Variants in TK2 observed in about 807,000 individuals in gnomAD.
The protein encoded by TK2 is thymidine kinase 2, also known as thymidine kinase 2, mitochondrial.
A neutral mutation model predicts 41.9 loss-of-function variants in TK2; 35 were observed. That is an observed-to-expected ratio of 0.84 (90% CI 0.64 to 1.11). The LOEUF is 1.11. TK2 is among the 50% of genes least tolerant of loss of function. The pLI, the probability that TK2 is intolerant of heterozygous loss-of-function variation, is 0.00. For missense variants in TK2, 320 were observed against 351.1 expected (o/e 0.91, Z 0.71); for synonymous variants, 128 against 129.1 (o/e 0.99, Z 0.06).
chr16:66,539,220 T>A (rs903422017), intron 3 of TK2, among the ~76,000 whole-genome samples: 1 of 152,034 alleles, frequency 6.6e-6, no homozygotes, highest in African/African-American at 2.4e-5. Context: ...CTCCCCAGGT[T>A]TGATGATTCA....
chr16:66,548,867 T>C (rs1965688935), intron 2 of TK2, 111 bp downstream of exon 2: 3 of 1,012,046 alleles, frequency 3.0e-6, no homozygotes, highest in African/African-American at 1.6e-5. Flanking sequence ...GATCCTCTTG[T>C]ATTTTTGCTT....
Position 66,517,333 on chromosome 16 carries a change from C to A in TK2, c.539-118G>T. On this transcript the variant is annotated intron_variant, in intron 7 of 9. Transcript: ENST00000544898. This position sits in a 1 kb window ranked among gnomAD's most constrained non-coding sequence, Gnocchi z 4.3. ...AGCTCGAGCAGGAAGCAGGGAGGGC[C>A]AGCTCTTGGCTTGACCACTGACCCT... 2.3e-6 allele frequency: 2 copies of A among 876,738 alleles called. No individual in the cohort carries two copies. The highest frequency in any genetic ancestry group is 2.6e-5 in the South Asian group (2 of 75,922). The allele number at this position is 876,738 out of a possible 1,614,324, so 54.3% of individuals were successfully genotyped here.
At chr16:66,532,424 C>T (rs573598365) in intron 4 of TK2, among the ~76,000 whole-genome samples, 3 of 152,004 alleles carry the variant, frequency 2.0e-5, no homozygotes, top group Non-Finnish European at 4.4e-5. Context: ...GCCAACATGA[C>T]GAAATCCTGT....
rs1964384858 is a variant in TK2, at chr16:66,509,428, C to CATAAGGTA, written c.*2539_*2540insTACCTTAT. The stretch of plus-strand genomic sequence containing the variant: ...ATTTCTATCTAGTTTCCAAAAAAAA[C>CATAAGGTA]CAGGTACATAAGGTATTTTTAAATG... On this transcript the variant is annotated 3_prime_UTR_variant, in exon 10 of 10. Transcript: ENST00000544898. 1 of 152,130 alleles carries CATAAGGTA rather than the reference C, an allele frequency of 6.6e-6. No individual in the cohort carries two copies. Among genetic ancestry groups the CATAAGGTA allele is most frequent in the Admixed American group, 6.5e-5 (1 of 15,268 alleles). 9.4% of individuals were successfully genotyped at this position (152,130 alleles called of 1,614,324 possible).
At chr16:66,531,772 C>T (rs1457970784) in intron 4 of TK2, among the ~76,000 whole-genome samples, 1 of 152,202 alleles carries the variant, frequency 6.6e-6, no homozygotes, top group Non-Finnish European at 1.5e-5. Context: ...TCATCTTAAC[C>T]TTGTTCACGG....
chr16:66,549,656 G>A, intron 1 of TK2: 1 of 1,209,290 alleles, frequency 8.3e-7, no homozygotes, highest in East Asian at 3.6e-5. Context: ...ACAGGAAATG[G>A]GTCGGGGGAC....
At chr16:66,545,108 A>G (rs1965567283) in intron 2 of TK2, among the ~76,000 whole-genome samples, 1 of 152,216 alleles carries the variant, frequency 6.6e-6, no homozygotes, top group East Asian at 1.9e-4. Context: ...AAAAAAAAAA[A>G]AAAGAAATAC....
intron 2 of TK2, among the ~76,000 whole-genome samples, chr16:66,546,809 C>T (rs1216353267): frequency 6.6e-6 from 1 of 150,932 alleles, no homozygotes; most frequent in Non-Finnish European, 1.5e-5. Context: ...TGGAGTGCAG[C>T]AATGCAATAA....
In TK2 at chr16:66,513,826, C is replaced by T. The variant is rs2144340131; in HGVS notation, c.619-15G>A. The T allele has an allele frequency of 2.4e-5, 38 of 1,613,536 alleles. 1 individual carries two copies. Among genetic ancestry groups the T allele is most frequent in the Non-Finnish European group, 3.2e-5 (38 of 1,179,682 alleles). ...TCCAGGTATTCCTGCCAGGGAAACA[C>T]AAGCAGTCTGTCGGGAGTGGACAGA... is the stretch of plus-strand genomic sequence containing the variant. On this transcript the variant is annotated splice_polypyrimidine_tract_variant and intron_variant, in intron 8 of 9. Coordinates refer to ENST00000544898, the MANE Select transcript of TK2 (RefSeq NM_004614.5).
chr16:66,540,745 G>C (rs1038597003), intron 3 of TK2, among the ~76,000 whole-genome samples: 1 of 152,220 alleles, frequency 6.6e-6, no homozygotes, highest in Non-Finnish European at 1.5e-5. Flanking sequence ...CCACTGCTCA[G>C]ACATTGCTAT....
At chr16:66,528,168 C>G (rs574037933) in intron 6 of TK2, among the ~76,000 whole-genome samples, 3 of 152,170 alleles carry the variant, frequency 2.0e-5, no homozygotes, top group African/African-American at 7.2e-5. Flanking sequence ...GGAGGAAGGG[C>G]CTCCAGCGTT....
chr16:66,530,513 C>G (rs1273155316), intron 5 of TK2, among the ~76,000 whole-genome samples: 1 of 152,208 alleles, frequency 6.6e-6, no homozygotes, highest in African/African-American at 2.4e-5. Flanking sequence ...CTGACCAAAG[C>G]TGAACCAATC....
intron 1 of TK2, chr16:66,549,607 C>T (rs1965720495): frequency 8.8e-7 from 1 of 1,138,398 alleles, no homozygotes; most frequent in East Asian, 4.8e-5. Context: ...CTTAAGGCAG[C>T]TCCCAGTCCC....
At position 66,517,401 on chromosome 16, in the gene TK2, G is replaced by C; in HGVS notation, c.539-186C>G. 1.5e-6 allele frequency: 1 copy of C among 678,342 alleles called. No homozygotes were observed. The highest frequency in any genetic ancestry group is 2.7e-6 in the Non-Finnish European group (1 of 375,600). The allele number at this position is 678,342 out of a possible 1,614,324, so 42.0% of individuals were successfully genotyped here. A position where few individuals can be genotyped will look rare whatever the true frequency, so the allele number is the denominator to read the frequency against. ...CTCTTTCAGTGTCAGCGGCCCCGTGGGGTCGTTTTGAGGCTGAATGGGATT... is the reference window on the plus strand; with the variant it reads ...CTCTTTCAGTGTCAGCGGCCCCGTGCGGTCGTTTTGAGGCTGAATGGGATT... On this transcript the variant is annotated intron_variant, in intron 7 of 9. Transcript: ENST00000544898. The surrounding 1 kb of genome is among the most constrained non-coding windows in gnomAD (Gnocchi z 4.3).
At position 66,509,147 on chromosome 16, in the gene TK2, T is replaced by C. The variant is rs1291521301; in HGVS notation, c.*2821A>G. 1 of 152,342 alleles carries C rather than the reference T, an allele frequency of 6.6e-6. No individual in the cohort carries two copies. Among genetic ancestry groups the C allele is most frequent in the Non-Finnish European group, 1.5e-5 (1 of 68,144 alleles). The allele number at this position is 152,342 out of a possible 1,614,324, so 9.4% of individuals were successfully genotyped here. A position where few individuals can be genotyped will look rare whatever the true frequency, so the allele number is the denominator to read the frequency against. ...AGAACCTTCCAGCTTATCTTAGTTATGCCTTGGAAAGGGACATTACCAGCA... is the reference window on the plus strand; with the variant it reads ...AGAACCTTCCAGCTTATCTTAGTTACGCCTTGGAAAGGGACATTACCAGCA... On this transcript the variant is annotated 3_prime_UTR_variant, in exon 10 of 10. Transcript: ENST00000544898.
Position 66,542,193 on chromosome 16 carries a change from C to T in TK2, c.157-240G>A, listed in dbSNP as rs187135616. On this transcript the variant is annotated intron_variant, in intron 2 of 9. Coordinates refer to ENST00000544898, the MANE Select transcript of TK2 (RefSeq NM_004614.5). ...TCCCCCCAGACCAGATCCTCCTTTA[C>T]GTCAACTCCTAAACCATACACAGCT... Among the ~76,000 whole-genome samples the T allele has an allele frequency of 5.3e-3, 810 of 152,256 alleles. 24 individuals carry two copies. Among genetic ancestry groups the T allele is most frequent in the Non-Finnish European group, 1.3e-3 (88 of 67,998 alleles).
chr16:66,528,100 G>A (rs151185276), intron 6 of TK2, among the ~76,000 whole-genome samples: 2 of 152,274 alleles, frequency 1.3e-5, no homozygotes, highest in African/African-American at 4.8e-5. Flanking sequence ...TAGACAGCGT[G>A]GTCGGGGAGG....
In TK2 at chr16:66,528,135, GA is replaced by G. The variant is rs544625854; in HGVS notation, c.449+858del. Among the ~76,000 whole-genome samples the G allele has an allele frequency of 4.7e-3, 719 of 152,300 alleles. 9 individuals are homozygous for G. Among genetic ancestry groups the G allele is most frequent in the African/African-American group, 0.017 (688 of 41,568 alleles). ...GGCTGGGAGACAGGGTGGCATTTAGGAAGACAGCTGCAGATGAGAGTGGGAG... is the reference window on the plus strand; with the variant it reads ...GGCTGGGAGACAGGGTGGCATTTAGGAGACAGCTGCAGATGAGAGTGGGAG... On this transcript the variant is annotated intron_variant, in intron 6 of 9. Transcript: ENST00000544898.
chr16:66,517,885 G>A lies in TK2; in HGVS notation c.450-8C>T. The A allele has an allele frequency of 6.2e-7, 1 of 1,613,102 alleles. No individual in the cohort carries two copies. Among genetic ancestry groups the A allele is most frequent in the Non-Finnish European group, 8.5e-7 (1 of 1,179,036 alleles). ...ACTTCTGGCATCTTCCCACTGCAAT[G>A]AGAGTTGTAAGGGCTTATTCACCTA... On this transcript the variant is annotated splice_region_variant and splice_polypyrimidine_tract_variant and intron_variant, in intron 6 of 9. Coordinates refer to ENST00000544898, the MANE Select transcript of TK2 (RefSeq NM_004614.5). This position sits in a 1 kb window ranked among gnomAD's most constrained non-coding sequence, Gnocchi z 4.3.
Sources: gnomAD v4.1 joint callset for allele counts (sites outside exome capture counted in the v4.1 genomes callset) on GRCh38, gnomAD v4.1.1 for gene constraint, Gnocchi (gnomAD v3.1) non-coding constraint, MANE v1.5 for transcripts, NCBI Gene and HGNC (gene_info 2026-07-23, HGNC 2026-07-21) for gene names.